The following RELB variants were observed in gnomAD, a reference collection of about 807,000 sequenced individuals.
RELB encodes the protein RELB proto-oncogene, NF-kB subunit.
Under a neutral mutation model 55.4 loss-of-function variants are expected in RELB, and 14 were observed. The ratio of observed to expected loss-of-function variants is 0.25; its 90% CI spans 0.17 to 0.40. RELB has a LOEUF of 0.40. RELB is among the 10% of genes least tolerant of loss of function. The pLI is 1.00. For missense variants in RELB, 669 were observed against 830.7 expected (o/e 0.81, Z 2.39); for synonymous variants, 409 against 371.3 (o/e 1.10, Z -1.17).
At chr19:45,014,107 T>TGATATAC (rs1314952270) in intron 4 of RELB, among the ~76,000 whole-genome samples, 3 of 151,922 alleles carry the variant, frequency 2.0e-5, no homozygotes, top group African/African-American at 7.3e-5. Flanking sequence ...ATCTATGGGA[T>TGATATAC]GATATACTGA....
At chr19:45,025,121 A>G (rs963918508) in intron 5 of RELB, among the ~76,000 whole-genome samples, 5 of 151,860 alleles carry the variant, frequency 3.3e-5, no homozygotes, top group Admixed American at 2.0e-4. Context: ...GGCCTCCCAA[A>G]GTGCTGGGAT....
At chr19:45,035,162 T>A (rs1244928014) in intron 11 of RELB, among the ~76,000 whole-genome samples, 1 of 151,868 alleles carries the variant, frequency 6.6e-6, no homozygotes, top group East Asian at 1.9e-4. Context: ...TTTAACTGCA[T>A]TTACAGCAAA....
intron 8 of RELB, among the ~76,000 whole-genome samples, chr19:45,032,113 A>G (rs1027285353): frequency 4.0e-5 from 6 of 151,586 alleles, no homozygotes; most frequent in South Asian, 2.1e-4. Flanking sequence ...GCACATGCCT[A>G]TAATCCCAGC....
intron 5 of RELB, among the ~76,000 whole-genome samples, 160 bp downstream of exon 5, chr19:45,022,370 C>T (rs906513989): frequency 3.3e-5 from 5 of 152,138 alleles, no homozygotes; most frequent in African/African-American, 1.2e-4. Flanking sequence ...GAGGGCCTCA[C>T]TTAGGCCTGG....
intron 2 of RELB, among the ~76,000 whole-genome samples, chr19:45,007,776 A>G (rs542892437): frequency 1.3e-5 from 2 of 151,712 alleles, no homozygotes; most frequent in African/African-American, 4.8e-5. Context: ...GAGAATCGCT[A>G]GAACCCGGGA....
At chr19:45,036,574 ACT>A (rs913385614) in intron 11 of RELB, among the ~76,000 whole-genome samples, 1 of 151,262 alleles carries the variant, frequency 6.6e-6, no homozygotes, top group Non-Finnish European at 1.5e-5. Flanking sequence ...CTCCTTTCTC[ACT>A]CTCAGGGAAA....
intron 4 of RELB, among the ~76,000 whole-genome samples, chr19:45,016,081 T>C (rs1971418416): frequency 6.6e-6 from 1 of 151,828 alleles, no homozygotes; most frequent in Non-Finnish European, 1.5e-5. Flanking sequence ...GCCTCCTGAG[T>C]TCAAGTGATT....
rs757103939 is a variant in RELB, at chr19:45,037,795, G to T, written c.*5G>T. On this transcript the variant is annotated 3_prime_UTR_variant, in exon 12 of 12. Transcript: ENST00000221452. ...CCGGGGCCTGAAGCCACGTAGCCCC[G>T]CGATGCCAGAGGAGGGGCACTGGGT... 6.8e-7 allele frequency: 1 copy of T among 1,479,562 alleles called. No homozygotes were observed. The highest frequency in any genetic ancestry group is 1.4e-5 in the South Asian group (1 of 71,724). 91.7% of individuals were successfully genotyped at this position (1,479,562 alleles called of 1,614,324 possible).
At position 45,022,185 on chromosome 19, in the gene RELB, C is replaced by G. The variant is rs759774364; in HGVS notation, c.637C>G (p.Arg213Gly). 2 of 1,607,316 alleles carry G rather than the reference C, an allele frequency of 1.2e-6. No individual in the cohort carries two copies. The highest frequency in any genetic ancestry group is 1.7e-6 in the Non-Finnish European group (2 of 1,178,314). ...CGACGGCATCTGCAGGGTGCGGCTCCGGCCTCACGTCAGCCCCCGGCACAG... is the reference window on the plus strand; with the variant it reads ...CGACGGCATCTGCAGGGTGCGGCTCGGGCCTCACGTCAGCCCCCGGCACAG... The part of the protein sequence containing the change: ...CTDGICRVRL[R>G]PHVSPRHSFN... The change falls in exon 5 of 12, where the codon CGG becomes GGG. Residue 213 changes from arginine (R) to glycine (G), a missense_variant. This residue lies in a region of RELB where 323 missense variants were observed against 368.5 expected (regional missense o/e 0.88). Coordinates refer to ENST00000221452, the MANE Select transcript of RELB (RefSeq NM_006509.4).
chr19:45,010,193 C>T (rs1430387550), intron 3 of RELB, among the ~76,000 whole-genome samples: 1 of 151,180 alleles, frequency 6.6e-6, no homozygotes, highest in Non-Finnish European at 1.5e-5. Flanking sequence ...GTCCCAGCTG[C>T]TCAGGAGGCT....
At chr19:45,020,227 T>C (rs909826355) in intron 4 of RELB, among the ~76,000 whole-genome samples, 4 of 147,078 alleles carry the variant, frequency 2.7e-5, no homozygotes, top group South Asian at 2.2e-4. Context: ...CTCTCTCTCT[T>C]TTTTTTTTTT....
intron 2 of RELB, among the ~76,000 whole-genome samples, chr19:45,003,865 CAGT>C (rs1295117756): frequency 6.9e-6 from 1 of 145,596 alleles, no homozygotes; most frequent in Non-Finnish European, 1.5e-5. Flanking sequence ...CAGTCTATAA[CAGT>C]GGTTCATTTT....
At position 45,012,055 on chromosome 19, in the gene RELB, C is replaced by A; in HGVS notation, c.283C>A (p.Leu95Met). The change falls in exon 4 of 12, where the codon CTG (leucine) becomes ATG (methionine). Residue 95 changes from leucine (L) to methionine (M), a missense_variant. This residue lies in a region of RELB where 323 missense variants were observed against 368.5 expected (regional missense o/e 0.88). Coordinates refer to ENST00000221452, the MANE Select transcript of RELB (RefSeq NM_006509.4). ...RGAASLSTVT[L>M]GPVAPPATPP... Reference sequence around the variant, plus strand: ...GGCTGCGTCCCTGAGCACGGTCACCCTGGGCCCTGTGGCGCCCCCAGCCAC... The same window carrying A: ...GGCTGCGTCCCTGAGCACGGTCACCATGGGCCCTGTGGCGCCCCCAGCCAC... 1 of 1,561,496 alleles carries A rather than the reference C, an allele frequency of 6.4e-7. No homozygotes were observed. The highest frequency in any genetic ancestry group is 2.5e-5 in the East Asian group (1 of 40,688).
Position 45,028,187 on chromosome 19 carries a change from T to A in RELB, c.887-701T>A, listed in dbSNP as rs1010812869. ...GTGTGAGCCATCATGCCTGGCAATT[T>A]TTTTTTTCTTTTTTGAGAGAGATGG... On this transcript the variant is annotated intron_variant, in intron 7 of 11. Transcript: ENST00000221452. Among the ~76,000 whole-genome samples the A allele has an allele frequency of 2.0e-5, 3 of 151,574 alleles. No individual in the cohort carries two copies. The East Asian group carries it at 5.9e-4, about 30-fold the overall frequency.
chr19:45,032,741 G>T lies in RELB; in HGVS notation c.1199G>T (p.Arg400Leu), dbSNP rs775189147. The T allele has an allele frequency of 2.5e-6, 4 of 1,604,178 alleles. No individual in the cohort carries two copies. The South Asian group carries it at 4.5e-5, about 18-fold the overall frequency. Residue 400 changes from arginine to leucine, a missense_variant, in exon 9 of 12, where the codon CGC becomes CTC. Arg to Leu is a moderately radical substitution (Grantham distance 102). Around this residue, in one of 3 missense-constraint regions of RELB, gnomAD observed 341 missense variants for 436.8 expected, o/e 0.78. Transcript: ENST00000221452. ...CCATTGCCTTTCACGTACCTGCCTCGCGACCATGGTAACTACAGCAACCCA... is the reference window on the plus strand; with the variant it reads ...CCATTGCCTTTCACGTACCTGCCTCTCGACCATGGTAACTACAGCAACCCA... Reference protein sequence around the residue: ...SEPLPFTYLPRDHDSYGVDKK... With the variant: ...SEPLPFTYLPLDHDSYGVDKK...
At chr19:45,034,084 G>C (rs1410843271) in intron 9 of RELB, among the ~76,000 whole-genome samples, 160 bp from the exon 10 acceptor site, 1 of 151,930 alleles carries the variant, frequency 6.6e-6, no homozygotes, top group Admixed American at 6.6e-5. Flanking sequence ...ACTTGAACCT[G>C]GCAGGCAGAG....
intron 11 of RELB, among the ~76,000 whole-genome samples, chr19:45,035,680 G>T (rs929217519): frequency 2.0e-5 from 3 of 152,102 alleles, no homozygotes; most frequent in Admixed American, 1.3e-4. Flanking sequence ...ACAAAAATTA[G>T]CTGGATGTGG....
At position 45,037,747 on chromosome 19, in the gene RELB, C is replaced by A; in HGVS notation, c.1697C>A (p.Ala566Asp). Residue 566 changes from alanine (A) to aspartate (D), a missense_variant, in exon 12 of 12, where the codon GCC becomes GAC. Physicochemically the swap from Ala to Asp is moderately radical, Grantham distance 126. Transcript: ENST00000221452. ...TTCCCCAATCATTACCGCGAGGCGG[C>A]CTTTGGGGGCGGCCTCCTATCCCCG... Reference protein sequence around the residue: ...NMFPNHYREAAFGGGLLSPGP... With the variant: ...NMFPNHYREADFGGGLLSPGP... 1 of 1,488,162 alleles carries A rather than the reference C, an allele frequency of 6.7e-7. No individual in the cohort carries two copies. Among genetic ancestry groups the A allele is most frequent in the Non-Finnish European group, 8.9e-7 (1 of 1,121,694 alleles). The allele number at this position is 1,488,162 out of a possible 1,614,324, so 92.2% of individuals were successfully genotyped here.
chr19:45,017,997 T>C (rs914546570), intron 4 of RELB, among the ~76,000 whole-genome samples: 1 of 149,818 alleles, frequency 6.7e-6, no homozygotes, highest in Admixed American at 6.7e-5. Flanking sequence ...CCAGGCGCGG[T>C]GGCTCACGCC....
Sources: gnomAD v4.1 joint callset for allele counts (sites outside exome capture counted in the v4.1 genomes callset) on GRCh38, gnomAD v4.1.1 for gene constraint, gnomAD v4.1.1 regional missense constraint, MANE v1.5 for transcripts, NCBI Gene and HGNC (gene_info 2026-07-23, HGNC 2026-07-21) for gene names.